CCL3L3: variants seen among roughly 807,000 people sequenced by gnomAD.
CCL3L3 encodes the protein C-C motif chemokine 3-like 1.
CCL3L3 carries 6 observed loss-of-function variants against 9.0 expected under a neutral mutation model. The ratio of observed to expected loss-of-function variants is 0.67; its 90% CI spans 0.37 to 1.32. The LOEUF is 1.32. Among genes scored for constraint, CCL3L3 ranks in the 40% most tolerant of loss-of-function variants. The probability of loss-of-function intolerance (pLI) is 0.02; values close to 1 mark genes in which losing one functional copy is unlikely to be tolerated. For missense variants in CCL3L3, 93 were observed against 117.0 expected (o/e 0.79, Z 0.95); for synonymous variants, 38 against 45.7 (o/e 0.83, Z 0.68).
chr17:36,196,678 G>A lies in CCL3L3; in HGVS notation c.-5C>T, dbSNP rs1345585477. ...GGCAGCAGTGGAGACCTGCATGATT[G>A]GGAGCAGGTGATGGAATGTGGGCTC... On this transcript the variant is annotated 5_prime_UTR_variant, in exon 1 of 3. Coordinates refer to ENST00000619989, the MANE Select transcript of CCL3L3 (RefSeq NM_001001437.4). 1 of 1,580,390 alleles carries A rather than the reference G, an allele frequency of 6.3e-7. No individual in the cohort carries two copies. The highest frequency in any genetic ancestry group is 1.3e-5 in the African/African-American group (1 of 74,730).
At chr17:36,196,371 C>G (rs1312624564) in intron 1 of CCL3L3, 1 of 716,046 alleles carries the variant, frequency 1.4e-6, no homozygotes, top group Non-Finnish European at 2.6e-6. Flanking sequence ...GTACAAGGGA[C>G]TGTAACTCCC....
At chr17:36,196,148 C>T in intron 1 of CCL3L3, 1 of 634,086 alleles carries the variant, frequency 1.6e-6, no homozygotes, top group East Asian at 2.7e-5. Context: ...ATGGACTGTT[C>T]TCTTAGCTCT....
intron 2 of CCL3L3, 111 bp downstream of exon 2, chr17:36,195,687 C>G: frequency 7.2e-7 from 1 of 1,392,070 alleles, no homozygotes; most frequent in South Asian, 1.2e-5. Context: ...TCCTGTATCC[C>G]CGATAGGCTC....
chr17:36,195,859 G>T lies in CCL3L3; in HGVS notation c.130C>A (p.Pro44Thr). 1 of 1,583,134 alleles carries T rather than the reference G, an allele frequency of 6.3e-7. No individual in the cohort carries two copies. The highest frequency in any genetic ancestry group is 1.1e-5 in the South Asian group (1 of 89,216). Reference protein sequence around the residue: ...CCFSYTSRQIPQNFIADYFET... With the variant: ...CCFSYTSRQITQNFIADYFET... ...AAGTAGTCAGCTATGAAATTCTGTG[G>T]AATCTGTCGGGAGGTGTAGCTGAAG... Residue 44 changes from proline to threonine, a missense_variant, in exon 2 of 3, where the codon CCA (proline) becomes ACA (threonine). By Grantham distance (38) the Pro-to-Thr change is conservative. Coordinates refer to ENST00000619989, the MANE Select transcript of CCL3L3 (RefSeq NM_001001437.4).
intron 1 of CCL3L3, chr17:36,196,246 C>G: frequency 1.6e-6 from 1 of 642,174 alleles, no homozygotes; most frequent in Admixed American, 2.1e-5. Flanking sequence ...AGGGACAGGG[C>G]TCCTGGGAGA....
rs1472774258 is a variant in CCL3L3 at position 36,195,722 on chromosome 17, G to A, written c.191+76C>T. 2,168 of 1,509,972 alleles carry A rather than the reference G, an allele frequency of 1.4e-3. 156 individuals are homozygous for A. The highest frequency in any genetic ancestry group is 1.8e-3 in the Non-Finnish European group (1,951 of 1,090,454). 93.5% of individuals were successfully genotyped at this position (1,509,972 alleles called of 1,614,324 possible). ...CCTGAAGGCTGGGCCTTTCCAGGAT[G>A]GCCTTCTGGCCTGTTTCTGCCCCCA... On this transcript the variant is annotated intron_variant, in intron 2 of 2. Transcript: ENST00000619989.
chr17:36,196,124 A>G, intron 1 of CCL3L3: 1 of 659,932 alleles, frequency 1.5e-6, no homozygotes, highest in Non-Finnish European at 2.7e-6. Flanking sequence ...TCTCTATGTG[A>G]TCCAGATACC....
Position 36,195,864 on chromosome 17 carries a change from T to C in CCL3L3, c.125A>G (p.Gln42Arg). The C allele has an allele frequency of 1.3e-6, 2 of 1,583,050 alleles. No individual in the cohort carries two copies. Among genetic ancestry groups the C allele is most frequent in the South Asian group, 2.2e-5 (2 of 89,222 alleles). Residue 42 changes from glutamine to arginine, a missense_variant, in exon 2 of 3, where the codon CAG becomes CGG. Physicochemically the swap from Gln to Arg is conservative, Grantham distance 43 (BLOSUM62 1). Coordinates refer to ENST00000619989, the MANE Select transcript of CCL3L3 (RefSeq NM_001001437.4). The stretch of plus-strand genomic sequence containing the variant: ...GTCAGCTATGAAATTCTGTGGAATC[T>C]GTCGGGAGGTGTAGCTGAAGCAGCA... ...TACCFSYTSRQIPQNFIADYF... is the reference protein window; with the variant it reads ...TACCFSYTSRRIPQNFIADYF...
At chr17:36,195,607 C>T in intron 2 of CCL3L3, 191 bp downstream of exon 2, 2 of 1,036,048 alleles carry the variant, frequency 1.9e-6, no homozygotes, top group South Asian at 1.3e-5. Flanking sequence ...TGGCCTGGGG[C>T]AGCCCTTCCT....
intron 1 of CCL3L3, 133 bp from the exon 2 acceptor site, chr17:36,196,045 A>T: frequency 7.8e-6 from 8 of 1,025,424 alleles, no homozygotes; most frequent in South Asian, 1.4e-5. Flanking sequence ...GGGGTTTTGC[A>T]GAGAAATGTC....
intron 2 of CCL3L3, 165 bp downstream of exon 2, chr17:36,195,633 A>G (rs549926200): frequency 1.8e-6 from 2 of 1,101,814 alleles, no homozygotes; most frequent in Non-Finnish European, 2.8e-6. Flanking sequence ...TGTAACACCC[A>G]CCTCACTCCA....
rs1344818907 is a variant in CCL3L3 at position 36,196,306 on chromosome 17, G to A, written c.76+292C>T. On this transcript the variant is annotated intron_variant, in intron 1 of 2. Transcript: ENST00000619989. ...AACAGACCCCACTGGGAAGTAAGCA[G>A]CCCTGGATTCTGCCTCTTGCAAACT... 8 of 658,712 alleles carry A rather than the reference G, an allele frequency of 1.2e-5. 1 individual carries two copies. The East Asian group carries it at 1.4e-4, about 11-fold the overall frequency. The allele number at this position is 658,712 out of a possible 1,614,324, so 40.8% of individuals were successfully genotyped here.
intron 2 of CCL3L3, 141 bp from the exon 3 acceptor site, chr17:36,195,517 C>G (rs1284300136): frequency 1.7e-5 from 21 of 1,232,004 alleles, no homozygotes; most frequent in Middle Eastern, 5.0e-4. Flanking sequence ...CTATCTCCGT[C>G]TAGAGAGCTT....
At chr17:36,196,326 C>A (rs1402737463) in intron 1 of CCL3L3, 3 of 672,476 alleles carry the variant, frequency 4.5e-6, no homozygotes, top group South Asian at 3.1e-5. Flanking sequence ...CTGCCTCTTG[C>A]AAACTGATTC....
chr17:36,195,406 TG>T (rs2068609856), intron 2 of CCL3L3, 30 bp from the exon 3 acceptor site: 1 of 1,572,382 alleles, frequency 6.4e-7, no homozygotes. Flanking sequence ...AGTTAAGCAC[TG>T]GGGAATCCAG....
chr17:36,196,123 G>C, intron 1 of CCL3L3: 1 of 660,800 alleles, frequency 1.5e-6, no homozygotes, highest in African/African-American at 1.7e-5. Flanking sequence ...TTCTCTATGT[G>C]ATCCAGATAC....
Position 36,195,142 on chromosome 17 carries a change from G to C in CCL3L3, c.*144C>G. ...AATAAATTAAAATTTAAGTTAAGAA[G>C]AGTCCCACAGTGTGGCTGTTTGGCA... On this transcript the variant is annotated 3_prime_UTR_variant, in exon 3 of 3. Transcript: ENST00000619989. 2.2e-6 allele frequency: 2 copies of C among 902,670 alleles called. No homozygotes were observed. The highest frequency in any genetic ancestry group is 4.7e-5 in the East Asian group (2 of 42,424). The allele number at this position is 902,670 out of a possible 1,614,324, so 55.9% of individuals were successfully genotyped here.
Position 36,194,951 on chromosome 17 carries a change from T to C in CCL3L3, c.*335A>G, listed in dbSNP as rs1347842865. On this transcript the variant is annotated 3_prime_UTR_variant, in exon 3 of 3. Transcript: ENST00000619989. ...AAAGCATCTGATACACATTTGTCAG[T>C]CTGGTGGCTTTGGTGCCATGACTGC... 1 of 318,842 alleles carries C rather than the reference T, an allele frequency of 3.1e-6. No individual in the cohort carries two copies. The highest frequency in any genetic ancestry group is 6.3e-6 in the Non-Finnish European group (1 of 159,454). The allele number at this position is 318,842 out of a possible 1,614,324, so 19.8% of individuals were successfully genotyped here.
At chr17:36,195,497 G>T (rs1598983857) in intron 2 of CCL3L3, 121 bp from the exon 3 acceptor site, 2 of 1,378,806 alleles carry the variant, frequency 1.5e-6, no homozygotes, top group South Asian at 2.3e-5. Flanking sequence ...CTCTCTCAGG[G>T]GCCCCCTGCC....
Sources: allele counts gnomAD v4.1 joint callset, GRCh38; gene constraint gnomAD v4.1.1; transcripts MANE v1.5; gene names NCBI Gene and HGNC (gene_info 2026-07-23, HGNC 2026-07-21).